UAP1: variants seen among roughly 807,000 people sequenced by gnomAD.
UAP1 encodes UDP-N-acetylglucosamine pyrophosphorylase 1.
In UAP1, 25 loss-of-function variants were observed where a neutral mutation model predicts 58.5. The ratio of observed to expected loss-of-function variants is 0.43; its 90% confidence interval spans 0.31 to 0.60. The LOEUF (loss-of-function observed/expected upper bound fraction) is 0.60, where lower values mean the gene tolerates loss of function less well. Among genes scored for constraint, UAP1 ranks in the 20% least tolerant of loss-of-function variants. The pLI, the probability that UAP1 is intolerant of heterozygous loss-of-function variation, is 0.11. For missense variants in UAP1, 575 were observed against 630.0 expected, an observed-to-expected ratio of 0.91 and a Z score of 0.93; for synonymous variants, 208 against 213.0, an observed-to-expected ratio of 0.98 and a Z score of 0.21.
In UAP1 at chr1:162,599,100, A is replaced by G. The variant is rs184572347; in HGVS notation, c.1477-171A>G. Among the ~76,000 whole-genome samples, 124 of 152,294 alleles carry G rather than the reference A, an allele frequency of 8.1e-4. 1 individual carries two copies. Among genetic ancestry groups the G allele is most frequent in the African/African-American group, 2.8e-3 (117 of 41,566 alleles). ...TTATATTTTTGTTTTATGCTTTTAC[A>G]AGTCAGTCATTAAGTCTACTCTAAA... is the stretch of plus-strand genomic sequence containing the variant. On this transcript the variant is annotated intron_variant, in intron 10 of 10. Transcript: ENST00000271469.
rs1248639030 is a variant in UAP1 at position 162,587,471 on chromosome 1, A to G, written c.835-4A>G. 7 of 1,597,224 alleles carry G rather than the reference A, an allele frequency of 4.4e-6. No homozygotes were observed. The highest frequency in any genetic ancestry group is 4.3e-6 in the Non-Finnish European group (5 of 1,168,858). On this transcript the variant is annotated splice_region_variant and splice_polypyrimidine_tract_variant and intron_variant, in intron 5 of 10. Transcript: ENST00000271469. ...CTCCTCTACTGTTTTTCTCTGGTGG[A>G]CAGGTGGTAGAGAAAACGAACCCTA...
intron 2 of UAP1, among the ~76,000 whole-genome samples, chr1:162,571,783 G>T (rs1653880117): frequency 6.6e-6 from 1 of 152,066 alleles, no homozygotes; most frequent in Admixed American, 6.5e-5. Flanking sequence ...ACTAATTTAT[G>T]TGTTACATAC....
chr1:162,570,433 G>A (rs1653793353), intron 2 of UAP1, among the ~76,000 whole-genome samples: 1 of 152,084 alleles, frequency 6.6e-6, no homozygotes, highest in Non-Finnish European at 1.5e-5. Context: ...TAAAAATTAT[G>A]AAAGTTTTGC....
chr1:162,585,984 T>C (rs141383323), intron 5 of UAP1, among the ~76,000 whole-genome samples: 1 of 152,202 alleles, frequency 6.6e-6, no homozygotes, highest in Non-Finnish European at 1.5e-5. Flanking sequence ...GTAGAAAGTT[T>C]CTTTTCATTA....
Position 162,594,100 on chromosome 1 carries a change from A to G in UAP1, c.1409+1318A>G, listed in dbSNP as rs553243389. ...GTGAGGGTGGTTTCAGGATGATTCAAGCATGTTACATTTATAGTACACTTT... is the reference window on the plus strand; with the variant it reads ...GTGAGGGTGGTTTCAGGATGATTCAGGCATGTTACATTTATAGTACACTTT... On this transcript the variant is annotated intron_variant, in intron 9 of 10. Transcript: ENST00000271469. Among the ~76,000 whole-genome samples, 12 of 152,222 alleles carry G rather than the reference A, an allele frequency of 7.9e-5. No individual in the cohort carries two copies. In the East Asian group the frequency reaches 2.1e-3, roughly 27 times the overall value.
At chr1:162,594,688 AG>A in intron 9 of UAP1, among the ~76,000 whole-genome samples, 1 of 152,218 alleles carries the variant, frequency 6.6e-6, no homozygotes, top group African/African-American at 2.4e-5. Flanking sequence ...TTAACCTAAC[AG>A]TGTAATAGAT....
chr1:162,582,751 T>C (rs772122868), intron 5 of UAP1, among the ~76,000 whole-genome samples: 25 of 152,346 alleles, frequency 1.6e-4, no homozygotes, highest in Non-Finnish European at 2.8e-4. Flanking sequence ...TTTTGAAATA[T>C]CTGTATTTAA....
chr1:162,594,103 A>T (rs903868457), intron 9 of UAP1, among the ~76,000 whole-genome samples: 1 of 152,114 alleles, frequency 6.6e-6, no homozygotes, highest in Admixed American at 6.6e-5. Flanking sequence ...TGATTCAAGC[A>T]TGTTACATTT....
chr1:162,572,537 C>G (rs1653930374), intron 2 of UAP1, among the ~76,000 whole-genome samples: 1 of 152,078 alleles, frequency 6.6e-6, no homozygotes, highest in African/African-American at 2.4e-5. Context: ...AGTAAGAAGT[C>G]AGGAAGAAGG....
intron 2 of UAP1, among the ~76,000 whole-genome samples, chr1:162,573,113 A>G (rs1044327528): frequency 1.3e-5 from 2 of 152,160 alleles, no homozygotes; most frequent in Non-Finnish European, 2.9e-5. Context: ...AAATTTCTTC[A>G]TCTCAGTTTT....
chr1:162,597,549 A>G (rs1655683579), intron 9 of UAP1: 1 of 452,218 alleles, frequency 2.2e-6, no homozygotes, highest in Non-Finnish European at 3.9e-6. Context: ...AAACTAGTGA[A>G]GTGCTGTAAA....
intron 1 of UAP1, among the ~76,000 whole-genome samples, chr1:162,565,149 A>G (rs1468828194): frequency 3.3e-5 from 5 of 152,034 alleles, no homozygotes; most frequent in Non-Finnish European, 7.4e-5. Flanking sequence ...CCTGGCCTCT[A>G]ATCTTATCTA....
chr1:162,566,055 G>C (rs1304179904), exon 2 of UAP1: 1 of 1,606,476 alleles, frequency 6.2e-7, no homozygotes, highest in Non-Finnish European at 8.5e-7. Flanking sequence ...ACAAAGCTTG[G>C]CTATTAGAGC....
chr1:162,579,633 TA>T (rs1654461342), intron 4 of UAP1, 30 bp downstream of exon 4: 2 of 1,450,014 alleles, frequency 1.4e-6, no homozygotes, highest in African/African-American at 2.8e-5. Context: ...TAATGGTGAC[TA>T]GAAAGGATAA....
At chr1:162,566,249 C>T (rs17850496) in exon 2 of UAP1, 3 of 1,614,024 alleles carry the variant, frequency 1.9e-6, no homozygotes, top group African/African-American at 2.7e-5. Flanking sequence ...CCAGTCTTCT[C>T]ACCAAAAGAA....
chr1:162,598,452 A>G (rs1348083596), intron 10 of UAP1, among the ~76,000 whole-genome samples: 1 of 152,192 alleles, frequency 6.6e-6, no homozygotes, highest in African/African-American at 2.4e-5. Flanking sequence ...GACATCTGCA[A>G]TATCTAGTCC....
intron 5 of UAP1, among the ~76,000 whole-genome samples, chr1:162,583,482 C>G (rs1252663696): frequency 6.6e-6 from 1 of 151,508 alleles, no homozygotes; most frequent in Middle Eastern, 3.2e-3. Flanking sequence ...AAAATAGAAA[C>G]TTAAAATTGT....
At chr1:162,579,131 C>G (rs1654390166) in intron 3 of UAP1, among the ~76,000 whole-genome samples, 1 of 152,182 alleles carries the variant, frequency 6.6e-6, no homozygotes, top group Non-Finnish European at 1.5e-5. Context: ...TACACTTTCA[C>G]AGAGTTCTAA....
At chr1:162,570,244 A>T (rs921730567) in intron 2 of UAP1, among the ~76,000 whole-genome samples, 1 of 152,206 alleles carries the variant, frequency 6.6e-6, no homozygotes, top group African/African-American at 2.4e-5. Flanking sequence ...CCATACAGAG[A>T]TACTCACTAG....
Sources: allele counts gnomAD v4.1 joint callset (sites outside exome capture counted in the v4.1 genomes callset), GRCh38; gene constraint gnomAD v4.1.1; transcripts MANE v1.5; gene names NCBI Gene and HGNC (gene_info 2026-07-23, HGNC 2026-07-21).